VPS53: variants seen among roughly 807,000 people sequenced by gnomAD.
The protein encoded by VPS53 is vacuolar protein sorting-associated protein 53 homolog.
In VPS53, 70 loss-of-function variants were observed where a neutral mutation model predicts 107.0. That is an observed-to-expected ratio of 0.65 (90% CI 0.54 to 0.80). VPS53 has a LOEUF of 0.80. VPS53 is among the 30% of genes least tolerant of loss of function. The probability of loss-of-function intolerance (pLI) is 0.00; values close to 1 mark genes in which losing one functional copy is unlikely to be tolerated. For missense variants in VPS53, 917 were observed against 1,049.4 expected, an observed-to-expected ratio of 0.87 and a Z score of 1.74; for synonymous variants, 409 against 393.3, an observed-to-expected ratio of 1.04 and a Z score of -0.47.
chr17:680,948 G>T (rs1293639949), intron 4 of VPS53, among the ~76,000 whole-genome samples: 1 of 152,050 alleles, frequency 6.6e-6, no homozygotes, highest in African/African-American at 2.4e-5. Flanking sequence ...GTTTATGTAG[G>T]TTATATCTAC....
rs769738641 is a variant in VPS53, at chr17:627,315, AC to A, written c.832del (p.Val278LeufsTer14). Reference protein sequence around the residue: ...YLVLFQENQDVAWLDKIDRRY... With the variant: ...YLVLFQENQDXAWLDKIDRRY... ...TCTGTCGATTTTGTCCAGCCAGGCA[AC>A]CTGGTGAAGGTGGAGATCAAAAGCC... On this transcript the variant is annotated frameshift_variant and splice_region_variant, in exon 10 of 22. Coordinates refer to ENST00000437048, the MANE Select transcript of VPS53 (RefSeq NM_001128159.3). LOFTEE classifies it high-confidence loss of function. 2 of 1,612,856 alleles carry A rather than the reference AC, an allele frequency of 1.2e-6. No homozygotes were observed. Among genetic ancestry groups the A allele is most frequent in the African/African-American group, 2.7e-5 (2 of 74,910 alleles).
chr17:626,311 C>A (rs918642482), intron 10 of VPS53, among the ~76,000 whole-genome samples: 1 of 152,000 alleles, frequency 6.6e-6, no homozygotes, highest in Non-Finnish European at 1.5e-5. Context: ...ACTATCTGTC[C>A]TTGGGCTACA....
At chr17:598,211 C>T (rs958119474) in intron 12 of VPS53, among the ~76,000 whole-genome samples, 4 of 152,232 alleles carry the variant, frequency 2.6e-5, no homozygotes, top group African/African-American at 9.6e-5. Flanking sequence ...GATCCGCCAG[C>T]CTCGGCCTCC....
At chr17:691,177 A>C (rs1972763560) in intron 4 of VPS53, among the ~76,000 whole-genome samples, 1 of 152,220 alleles carries the variant, frequency 6.6e-6, no homozygotes. Context: ...TTAGGAACAT[A>C]ATATCCATTT....
chr17:529,383 TTCACACACACACAC>T (rs1176800378), intron 19 of VPS53, among the ~76,000 whole-genome samples: 1 of 122,340 alleles, frequency 8.2e-6, no homozygotes, highest in African/African-American at 3.5e-5. Flanking sequence ...AGCATATCAA[TTCACACACACACAC>T]TCACACACAC....
intron 6 of VPS53, 145 bp from the exon 7 acceptor site, chr17:653,555 C>T (rs922743641): frequency 2.3e-6 from 3 of 1,307,052 alleles, no homozygotes; most frequent in Non-Finnish European, 2.1e-6. Context: ...AGCTGCTGTG[C>T]GTTGTGGGAG....
intron 15 of VPS53, among the ~76,000 whole-genome samples, chr17:559,569 G>T (rs1912752174): frequency 6.6e-6 from 1 of 152,204 alleles, no homozygotes. Context: ...CCTCTGGCTG[G>T]CTTATGTGCC....
At chr17:596,268 GAGTA>G (rs1366355668) in intron 12 of VPS53, among the ~76,000 whole-genome samples, 3 of 152,184 alleles carry the variant, frequency 2.0e-5, no homozygotes, top group Admixed American at 1.3e-4. Context: ...AACTATGTTG[GAGTA>G]AGTGTGAAGA....
chr17:516,724 G>C lies in VPS53; in HGVS notation c.*2404C>G, dbSNP rs1267792696. On this transcript the variant is annotated 3_prime_UTR_variant, in exon 22 of 22. Coordinates refer to ENST00000437048, the MANE Select transcript of VPS53 (RefSeq NM_001128159.3). Reference sequence around the variant, plus strand: ...TGCACACCCCCAGAAGAGAAACACAGCGTCTCTACACAGTACTGAGTCCCC... The same window carrying C: ...TGCACACCCCCAGAAGAGAAACACACCGTCTCTACACAGTACTGAGTCCCC... 6.6e-6 allele frequency: 1 copy of C among 152,200 alleles called. No homozygotes were observed. Among genetic ancestry groups the C allele is most frequent in the Non-Finnish European group, 1.5e-5 (1 of 68,074 alleles). 9.4% of individuals were successfully genotyped at this position (152,200 alleles called of 1,614,324 possible). A position where few individuals can be genotyped will look rare whatever the true frequency, so the allele number is the denominator to read the frequency against.
chr17:696,033 C>T (rs1371156383), intron 4 of VPS53, among the ~76,000 whole-genome samples: 2 of 152,132 alleles, frequency 1.3e-5, no homozygotes, highest in Admixed American at 1.3e-4. Flanking sequence ...AGAAGCCATG[C>T]TTCATGAAAT....
intron 14 of VPS53, 117 bp downstream of exon 14, chr17:562,386 G>T: frequency 1.4e-6 from 2 of 1,419,714 alleles, no homozygotes; most frequent in African/African-American, 2.9e-5. Flanking sequence ...CTCAGGAAGC[G>T]TGCTTTCCTC....
chr17:631,244 C>A lies in VPS53; in HGVS notation c.687+306G>T, dbSNP rs921223184. ...TAAAAACACCGCGGCATGAAGATTTCTTTTAAATACAGCCATGAGAAAAAA... is the reference window on the plus strand; with the variant it reads ...TAAAAACACCGCGGCATGAAGATTTATTTTAAATACAGCCATGAGAAAAAA... On this transcript the variant is annotated intron_variant, in intron 8 of 21. Coordinates refer to ENST00000437048, the MANE Select transcript of VPS53 (RefSeq NM_001128159.3). Among the ~76,000 whole-genome samples the A allele has an allele frequency of 3.1e-4, 47 of 151,536 alleles. 1 individual carries two copies. The highest frequency in any genetic ancestry group is 5.3e-4 in the Non-Finnish European group (36 of 67,942).
intron 17 of VPS53, among the ~76,000 whole-genome samples, chr17:541,697 G>C (rs367611895): frequency 2.1e-5 from 3 of 144,590 alleles, no homozygotes; most frequent in East Asian, 4.2e-4. Context: ...CACCTACCAC[G>C]CACCAGGGGC....
Position 714,807 on chromosome 17 carries a change from C to T in VPS53, c.-98G>A, listed in dbSNP as rs1327732765. On this transcript the variant is annotated 5_prime_UTR_variant, in exon 1 of 22. Transcript: ENST00000437048. ...CACAGCAACTCCCTCGCGGCAGCGA[C>T]CTGGTGAGCCCGGCTCCGTCAGCCG... is the stretch of plus-strand genomic sequence containing the variant. 3 of 1,354,080 alleles carry T rather than the reference C, an allele frequency of 2.2e-6. No individual in the cohort carries two copies. The highest frequency in any genetic ancestry group is 2.3e-5 in the East Asian group (1 of 43,212). The allele number at this position is 1,354,080 out of a possible 1,614,324, so 83.9% of individuals were successfully genotyped here. A position where few individuals can be genotyped will look rare whatever the true frequency, so the allele number is the denominator to read the frequency against.
intron 17 of VPS53, among the ~76,000 whole-genome samples, chr17:545,995 T>C (rs1286030133): frequency 6.6e-6 from 1 of 152,176 alleles, no homozygotes; most frequent in Admixed American, 6.5e-5. Context: ...GGTACTGGCC[T>C]GAGGGTGGAC....
At chr17:564,807 G>A (rs546050358) in intron 13 of VPS53, among the ~76,000 whole-genome samples, 2 of 152,054 alleles carry the variant, frequency 1.3e-5, no homozygotes, top group Non-Finnish European at 2.9e-5. Context: ...ATTTTTCTCC[G>A]ATTTCCCATT....
At chr17:652,007 T>A (rs1387129509) in intron 7 of VPS53, among the ~76,000 whole-genome samples, 13 of 143,270 alleles carry the variant, frequency 9.1e-5, no homozygotes, top group Admixed American at 2.8e-4. Flanking sequence ...TTCACTGTAT[T>A]TTTTTTTTTT....
At chr17:702,544 T>C (rs1973246043) in intron 2 of VPS53, among the ~76,000 whole-genome samples, 1 of 152,000 alleles carries the variant, frequency 6.6e-6, no homozygotes, top group African/African-American at 2.4e-5. Context: ...CAGGTGCCTG[T>C]AATCCCAGCT....
chr17:535,305 C>T (rs976223465), intron 18 of VPS53, among the ~76,000 whole-genome samples: 4 of 152,218 alleles, frequency 2.6e-5, no homozygotes, highest in African/African-American at 9.6e-5. Flanking sequence ...GAGGCTGATG[C>T]TGGGAGATGC....
Sources: gnomAD v4.1 joint callset for allele counts (sites outside exome capture counted in the v4.1 genomes callset) on GRCh38, gnomAD v4.1.1 for gene constraint, MANE v1.5 for transcripts, NCBI Gene and HGNC (gene_info 2026-07-23, HGNC 2026-07-21) for gene names.